Variants in CHD7 observed in about 807,000 individuals in gnomAD.
CHD7 encodes chromodomain helicase DNA binding protein 7.
A neutral mutation model predicts 307.3 loss-of-function variants in CHD7; 24 were observed. The observed-to-expected ratio is 0.08, with a 90% CI of 0.06 to 0.11. The LOEUF (loss-of-function observed/expected upper bound fraction) is 0.11. CHD7 is among the 10% of genes least tolerant of loss of function. CHD7 has a pLI of 1.00. For synonymous variants in CHD7, 1,363 were observed against 1,349.9 expected (o/e 1.01, Z -0.21); for missense variants, 3,106 against 3,727.1 (o/e 0.83, Z 4.34).
chr8:60,836,792 C>T (rs987200121), intron 16 of CHD7, 25 bp from the exon 17 acceptor site: 2 of 1,597,312 alleles, frequency 1.3e-6, no homozygotes, highest in Admixed American at 3.4e-5. Flanking sequence ...CGTCAGGCCT[C>T]CTTGTTCACA....
chr8:60,826,334 A>G (rs1365487474), intron 13 of CHD7, among the ~76,000 whole-genome samples: 1 of 152,252 alleles, frequency 6.6e-6, no homozygotes, highest in Admixed American at 6.5e-5. Context: ...TTATTTGAGA[A>G]GAAATGTTTT....
chr8:60,757,159 T>C (rs1809940666), intron 2 of CHD7, among the ~76,000 whole-genome samples: 1 of 152,184 alleles, frequency 6.6e-6, no homozygotes, highest in African/African-American at 2.4e-5. Context: ...CAGAGAGCTC[T>C]GTCCAGTGGA....
chr8:60,789,300 A>T (rs1450256297), intron 3 of CHD7, among the ~76,000 whole-genome samples: 1 of 152,240 alleles, frequency 6.6e-6, no homozygotes, highest in Non-Finnish European at 1.5e-5. Flanking sequence ...TTCTTTATTC[A>T]GAAGTCTTTT....
intron 4 of CHD7, 113 bp from the exon 5 acceptor site, chr8:60,800,275 G>C: frequency 1.0e-6 from 1 of 954,526 alleles, no homozygotes; most frequent in Non-Finnish European, 1.5e-6. Context: ...CTTGTGATCC[G>C]CCCGCCTCGG....
At chr8:60,706,697 G>A (rs1036945472) in intron 1 of CHD7, among the ~76,000 whole-genome samples, 8 of 152,164 alleles carry the variant, frequency 5.3e-5, no homozygotes, top group East Asian at 3.9e-4. Flanking sequence ...TAAGAAGTTT[G>A]AAACCCCTCA....
intron 1 of CHD7, among the ~76,000 whole-genome samples, chr8:60,705,702 A>C (rs1160371761): frequency 6.6e-6 from 1 of 152,244 alleles, no homozygotes; most frequent in East Asian, 1.9e-4. Context: ...GGCTTTAGAG[A>C]AATGCACACC....
chr8:60,795,317 C>G (rs906837998), intron 4 of CHD7, among the ~76,000 whole-genome samples, 190 bp downstream of exon 4: 5 of 152,118 alleles, frequency 3.3e-5, no homozygotes, highest in Non-Finnish European at 7.4e-5. Flanking sequence ...AATTATACTC[C>G]TGACAAGAGT....
rs1297718208 is a variant in CHD7, at chr8:60,795,103, A to C, written c.2214A>C (p.Glu738Asp). Residue 738 changes from glutamate (E) to aspartate (D), a missense_variant, in exon 4 of 38, where the codon GAA becomes GAC. Physicochemically the swap from Glu to Asp is conservative, Grantham distance 45. Transcript: ENST00000423902. Reference sequence around the variant, plus strand: ...CACCCCCACCATCTCCTCCTCCTGAAGAAGATGAGGACCCAGGTGTTCAGG... The same window carrying C: ...CACCCCCACCATCTCCTCCTCCTGACGAAGATGAGGACCCAGGTGTTCAGG... ...DKTPPPSPPPEEDEDPGVQKR... is the reference protein window; with the variant it reads ...DKTPPPSPPPDEDEDPGVQKR... The C allele has an allele frequency of 1.2e-6, 2 of 1,613,630 alleles. No homozygotes were observed. Among genetic ancestry groups the C allele is most frequent in the East Asian group, 4.5e-5 (2 of 44,888 alleles).
intron 31 of CHD7, 126 bp downstream of exon 31, chr8:60,853,626 G>A: frequency 7.0e-6 from 5 of 717,758 alleles, no homozygotes; most frequent in Non-Finnish European, 8.6e-6. Flanking sequence ...TCTGTGAAGG[G>A]ATAATTTCAA....
intron 1 of CHD7, among the ~76,000 whole-genome samples, chr8:60,704,831 C>T (rs1023182712): frequency 2.0e-5 from 3 of 152,240 alleles, no homozygotes; most frequent in African/African-American, 7.2e-5. Flanking sequence ...TGCAACTTAA[C>T]AAGAGGTACC....
intron 1 of CHD7, among the ~76,000 whole-genome samples, chr8:60,723,988 C>T (rs551805258): frequency 6.6e-6 from 1 of 152,358 alleles, no homozygotes; most frequent in African/African-American, 2.4e-5. Flanking sequence ...CGCTCTGCCA[C>T]TGACTGGCTG....
At chr8:60,797,716 A>T (rs969148374) in intron 4 of CHD7, among the ~76,000 whole-genome samples, 1 of 152,236 alleles carries the variant, frequency 6.6e-6, no homozygotes, top group Non-Finnish European at 1.5e-5. Flanking sequence ...CAAATGAAAT[A>T]CAACATGTTA....
chr8:60,756,286 A>G (rs1174229883), intron 2 of CHD7, among the ~76,000 whole-genome samples: 5 of 152,222 alleles, frequency 3.3e-5, no homozygotes, highest in South Asian at 4.1e-4. Flanking sequence ...AACCATGGGT[A>G]TCTCGTGTCT....
intron 1 of CHD7, among the ~76,000 whole-genome samples, chr8:60,727,098 A>G (rs2150554585): frequency 6.6e-6 from 1 of 152,278 alleles, no homozygotes; most frequent in African/African-American, 2.4e-5. Context: ...TCTGAAATAA[A>G]TACTATTATT....
rs768797787 is a variant in CHD7, at chr8:60,852,893, C to T, written c.6168C>T (p.Tyr2056=). 5.0e-6 allele frequency: 8 copies of T among 1,614,014 alleles called. No homozygotes were observed. The highest frequency in any genetic ancestry group is 2.2e-5 in the South Asian group (2 of 91,084). The change falls in exon 31 of 38, where the codon TAC becomes TAT. Residue 2056 remains tyrosine, a synonymous_variant. Coordinates refer to ENST00000423902, the MANE Select transcript of CHD7 (RefSeq NM_017780.4). ...AGGAGCGAGCCTCTCGAACTCTGTACCGCATTGAGCTGCTACGGAAGATCC... is the reference window on the plus strand; with the variant it reads ...AGGAGCGAGCCTCTCGAACTCTGTATCGCATTGAGCTGCTACGGAAGATCC... ...ITEERASRTL[Y]RIELLRKIRE...
intron 1 of CHD7, among the ~76,000 whole-genome samples, chr8:60,685,065 A>G (rs1026717188): frequency 1.3e-5 from 2 of 152,214 alleles, no homozygotes; most frequent in African/African-American, 4.8e-5. Context: ...CTGGTTGGCT[A>G]CTGATCCTAT....
rs370574017 is a variant in CHD7, at chr8:60,860,863, C to G, written c.7609-41C>G. ...GAAATAGGACATTGTCAGAGGCTCT[C>G]TCTTCGTGTGAGAATTCATACCATT... On this transcript the variant is annotated intron_variant, in intron 34 of 37. Coordinates refer to ENST00000423902, the MANE Select transcript of CHD7 (RefSeq NM_017780.4). 3.4e-6 allele frequency: 5 copies of G among 1,465,800 alleles called. No homozygotes were observed. The African/African-American group carries it at 7.0e-5, about 21-fold the overall frequency. 90.8% of individuals were successfully genotyped at this position (1,465,800 alleles called of 1,614,324 possible).
intron 7 of CHD7, among the ~76,000 whole-genome samples, chr8:60,816,113 GTC>G (rs201056061): frequency 0.29 from 40,385 of 138,552 alleles, 6,632 homozygotes; most frequent in Middle Eastern, 0.37. Flanking sequence ...CTGTCTGTCT[GTC>G]TCTCTCTCTC....
chr8:60,763,667 A>T (rs999798162), intron 2 of CHD7, among the ~76,000 whole-genome samples: 2 of 152,192 alleles, frequency 1.3e-5, no homozygotes, highest in Admixed American at 6.5e-5. Flanking sequence ...GACCTTGTGG[A>T]TAGGGAGCTT....
Sources: gnomAD v4.1 joint callset for allele counts (sites outside exome capture counted in the v4.1 genomes callset) on GRCh38, gnomAD v4.1.1 for gene constraint, MANE v1.5 for transcripts, NCBI Gene and HGNC (gene_info 2026-07-23, HGNC 2026-07-21) for gene names.